LSAMP: variants seen among roughly 807,000 people sequenced by gnomAD.
The protein encoded by LSAMP is limbic system associated membrane protein.
A neutral mutation model predicts 38.6 loss-of-function variants in LSAMP; 7 were observed. The ratio of observed to expected loss-of-function variants is 0.18; its 90% CI spans 0.10 to 0.34. LSAMP has a LOEUF of 0.34. Ranked by LOEUF, LSAMP falls within the 10% of genes least tolerant of loss-of-function variation. The pLI is 1.00. For missense variants in LSAMP, 313 were observed against 420.0 expected, an observed-to-expected ratio of 0.75 and a Z score of 2.23; for synonymous variants, 154 against 166.8, an observed-to-expected ratio of 0.92 and a Z score of 0.59.
At chr3:116,247,133 G>C (rs2046615260) in intron 1 of LSAMP, among the ~76,000 whole-genome samples, 1 of 152,200 alleles carries the variant, frequency 6.6e-6, no homozygotes, top group South Asian at 2.1e-4. Context: ...ATAAAAGTAA[G>C]GTCACAGAAC....
chr3:116,156,415 CAATT>C (rs1223757295), intron 1 of LSAMP, among the ~76,000 whole-genome samples: 2 of 152,028 alleles, frequency 1.3e-5, no homozygotes, highest in African/African-American at 2.4e-5. Flanking sequence ...ATATAACCAA[CAATT>C]AAATTAACAA....
chr3:116,180,705 T>C (rs908618399), intron 1 of LSAMP, among the ~76,000 whole-genome samples: 1 of 152,184 alleles, frequency 6.6e-6, no homozygotes, highest in Non-Finnish European at 1.5e-5. Flanking sequence ...TTTACTGAAT[T>C]ACATCTCTAG....
At chr3:116,137,494 T>C (rs2107510648) in intron 1 of LSAMP, among the ~76,000 whole-genome samples, 1 of 152,286 alleles carries the variant, frequency 6.6e-6, no homozygotes, top group African/African-American at 2.4e-5. Context: ...CATGGAAATA[T>C]TAAGAAACTT....
At chr3:115,985,899 T>C (rs1939497432) in intron 3 of LSAMP, among the ~76,000 whole-genome samples, 1 of 152,218 alleles carries the variant, frequency 6.6e-6, no homozygotes, top group African/African-American at 2.4e-5. Flanking sequence ...AAACTGCTCC[T>C]GGCTTTCCAG....
At chr3:116,179,229 T>C (rs1272804077) in intron 1 of LSAMP, among the ~76,000 whole-genome samples, 1 of 152,176 alleles carries the variant, frequency 6.6e-6, no homozygotes, top group Non-Finnish European at 1.5e-5. Flanking sequence ...CAAAAACCTT[T>C]GTAGACATCT....
At chr3:115,939,570 T>TTCTTTCCTTCTTTC (rs1937832877) in intron 3 of LSAMP, among the ~76,000 whole-genome samples, 1 of 136,886 alleles carries the variant, frequency 7.3e-6, no homozygotes, top group East Asian at 2.3e-4. Context: ...CTTTCTTTCT[T>TTCTTTCCTTCTTTC]TCTTTCTTTC....
intron 1 of LSAMP, among the ~76,000 whole-genome samples, chr3:116,214,279 T>C (rs546052698): frequency 6.6e-6 from 1 of 152,302 alleles, no homozygotes; most frequent in Non-Finnish European, 1.5e-5. Context: ...AGCTAATGTG[T>C]ATATTAAGCT....
rs932855774 is a variant in LSAMP, at chr3:115,809,963, G to GA, written c.*353_*354insT. ...AGGAAGGAAGGATAAAGTGTGTGTT[G>GA]GGGGGCTTAATATCCATCTGGTTCT... On this transcript the variant is annotated 3_prime_UTR_variant, in exon 7 of 7. Coordinates refer to ENST00000490035, the MANE Select transcript of LSAMP (RefSeq NM_002338.5). The GA allele has an allele frequency of 4.6e-5, 3 of 65,550 alleles. No individual in the cohort carries two copies. Among genetic ancestry groups the GA allele is most frequent in the Non-Finnish European group, 7.2e-5 (3 of 41,882 alleles). The allele number at this position is 65,550 out of a possible 1,614,324, so 4.1% of individuals were successfully genotyped here.
chr3:115,975,585 A>T (rs1330840723), intron 3 of LSAMP, among the ~76,000 whole-genome samples: 1 of 152,146 alleles, frequency 6.6e-6, no homozygotes, highest in East Asian at 1.9e-4. Context: ...GGGATGGTGA[A>T]TGGAGATGAC....
At chr3:116,404,826 TTTTC>T (rs1387678789) in intron 1 of LSAMP, among the ~76,000 whole-genome samples, 1 of 152,052 alleles carries the variant, frequency 6.6e-6, no homozygotes, top group African/African-American at 2.4e-5. Flanking sequence ...TTCCTAGAAA[TTTTC>T]TTTCTCTTTT....
At position 115,982,532 on chromosome 3, in the gene LSAMP, G is replaced by A. The variant is rs76882093; in HGVS notation, c.514+36983C>T. 5.0e-3 allele frequency among the ~76,000 whole-genome samples: 755 copies of A among 152,276 alleles called. 9 individuals are homozygous for A. Among genetic ancestry groups the A allele is most frequent in the African/African-American group, 0.016 (676 of 41,552 alleles). Reference sequence around the variant, plus strand: ...GTACAGAATTAATAAAACAGCTGAAGTAGGACCCAAGAGGTCCTCAGTGTC... The same window carrying A: ...GTACAGAATTAATAAAACAGCTGAAATAGGACCCAAGAGGTCCTCAGTGTC... On this transcript the variant is annotated intron_variant, in intron 3 of 6. Transcript: ENST00000490035.
intron 1 of LSAMP, among the ~76,000 whole-genome samples, chr3:116,208,535 T>C (rs2046102611): frequency 6.6e-6 from 1 of 152,244 alleles, no homozygotes; most frequent in Non-Finnish European, 1.5e-5. Flanking sequence ...TGTGGTTTTA[T>C]CTACTTTTGG....
intron 3 of LSAMP, among the ~76,000 whole-genome samples, chr3:115,919,116 C>T (rs2107519895): frequency 6.6e-6 from 1 of 152,244 alleles, no homozygotes; most frequent in South Asian, 2.1e-4. Context: ...AAAAATTATG[C>T]TTCCTCCCTC....
intron 1 of LSAMP, among the ~76,000 whole-genome samples, chr3:116,092,018 T>C (rs1299849877): frequency 1.3e-5 from 2 of 152,182 alleles, no homozygotes; most frequent in Non-Finnish European, 2.9e-5. Flanking sequence ...TCATCTTTTC[T>C]CATAAGCTTA....
chr3:115,807,282 AC>A lies in LSAMP; in HGVS notation c.*3034del, dbSNP rs1415527029. The A allele has an allele frequency of 4.6e-5, 7 of 152,214 alleles. No homozygotes were observed. Among genetic ancestry groups the A allele is most frequent in the African/African-American group, 1.7e-4 (7 of 41,446 alleles). The allele number at this position is 152,214 out of a possible 1,614,324, so 9.4% of individuals were successfully genotyped here. A position where few individuals can be genotyped will look rare whatever the true frequency, so the allele number is the denominator to read the frequency against. The stretch of plus-strand genomic sequence containing the variant: ...CCATTGTTCACACTGCTTAGGGAAC[AC>A]TTTCAATCCTATGAAATTTCTGGGG... On this transcript the variant is annotated 3_prime_UTR_variant, in exon 7 of 7. Coordinates refer to ENST00000490035, the MANE Select transcript of LSAMP (RefSeq NM_002338.5).
intron 2 of LSAMP, among the ~76,000 whole-genome samples, chr3:116,037,874 G>A (rs566053182): frequency 6.6e-6 from 1 of 151,998 alleles, no homozygotes; most frequent in East Asian, 1.9e-4. Context: ...AGTGGTATAA[G>A]CTTATTCTGT....
intron 1 of LSAMP, among the ~76,000 whole-genome samples, chr3:116,166,860 A>C (rs964357189): frequency 7.3e-6 from 1 of 136,824 alleles, no homozygotes; most frequent in South Asian, 2.2e-4. Flanking sequence ...GCGCGATCTC[A>C]GCTCACTGCA....
intron 1 of LSAMP, among the ~76,000 whole-genome samples, chr3:116,203,752 A>G (rs1372464729): frequency 6.6e-6 from 1 of 152,000 alleles, no homozygotes; most frequent in Admixed American, 6.6e-5. Context: ...ATGGCTGCAT[A>G]GTATTCCATG....
chr3:115,953,522 T>C (rs1439630127), intron 3 of LSAMP, among the ~76,000 whole-genome samples: 1 of 152,114 alleles, frequency 6.6e-6, no homozygotes, highest in African/African-American at 2.4e-5. Flanking sequence ...GCAGTCATGC[T>C]TTCCCTTCCC....
Sources: gnomAD v4.1 joint callset for allele counts (sites outside exome capture counted in the v4.1 genomes callset) on GRCh38, gnomAD v4.1.1 for gene constraint, MANE v1.5 for transcripts, NCBI Gene and HGNC (gene_info 2026-07-23, HGNC 2026-07-21) for gene names.